The following TRHDE variants were observed in gnomAD, a reference collection of about 807,000 sequenced individuals.
TRHDE encodes thyrotropin-releasing hormone-degrading ectoenzyme.
TRHDE carries 72 observed loss-of-function variants against 125.7 expected under a neutral mutation model. The ratio of observed to expected loss-of-function variants is 0.57; its 90% CI spans 0.47 to 0.70. The LOEUF is 0.70. Ranked by LOEUF, TRHDE falls within the 30% of genes least tolerant of loss-of-function variation. The probability of loss-of-function intolerance (pLI) is 0.00; values close to 1 mark genes in which losing one functional copy is unlikely to be tolerated. For synonymous variants in TRHDE, 509 were observed against 509.1 expected (o/e 1.00, Z 0.00); for missense variants, 1,110 against 1,327.1 (o/e 0.84, Z 2.54).
chr12:72,226,538 C>T (rs1878131345), intron 2 of TRHDE, among the ~76,000 whole-genome samples: 1 of 152,148 alleles, frequency 6.6e-6, no homozygotes, highest in Non-Finnish European at 1.5e-5. Context: ...ATATAAATTA[C>T]TTCTGTTTAG....
chr12:72,389,959 G>T (rs766403563), intron 3 of TRHDE, among the ~76,000 whole-genome samples: 1 of 152,120 alleles, frequency 6.6e-6, no homozygotes, highest in Non-Finnish European at 1.5e-5. Context: ...TAAGAAGGGG[G>T]CAGATTCTGG....
At chr12:72,498,250 A>G (rs575288508) in intron 5 of TRHDE, among the ~76,000 whole-genome samples, 2 of 152,334 alleles carry the variant, frequency 1.3e-5, no homozygotes, top group South Asian at 4.1e-4. Context: ...TGAGTATGAA[A>G]AAAATCTTTC....
intron 2 of TRHDE, among the ~76,000 whole-genome samples, chr12:72,122,132 G>A (rs1458922487): frequency 1.3e-5 from 2 of 152,052 alleles, no homozygotes; most frequent in Non-Finnish European, 2.9e-5. Context: ...GTTCTCATAA[G>A]TTGCCCCTTG....
At chr12:72,365,935 G>T (rs1306901854) in intron 2 of TRHDE, among the ~76,000 whole-genome samples, 1 of 152,104 alleles carries the variant, frequency 6.6e-6, no homozygotes, top group African/African-American at 2.4e-5. Flanking sequence ...TGCCTCTCCA[G>T]CTTCTAATAC....
chr12:72,496,504 G>A (rs2135932414), intron 5 of TRHDE, among the ~76,000 whole-genome samples: 1 of 152,196 alleles, frequency 6.6e-6, no homozygotes, highest in Middle Eastern at 3.4e-3. Flanking sequence ...ACTATCAGGA[G>A]AACAGTTATG....
In TRHDE at chr12:72,509,579, C is replaced by T. The variant is rs147285128; in HGVS notation, c.1722+9944C>T. ...TGGTCCCAGCTTGCTCTCCTTGAAA[C>T]CTTTACTTAAATGTCACCTTCTCAA... is the stretch of plus-strand genomic sequence containing the variant. On this transcript the variant is annotated intron_variant, in intron 6 of 18. Transcript: ENST00000261180. 3.3e-5 allele frequency among the ~76,000 whole-genome samples: 5 copies of T among 152,218 alleles called. No homozygotes were observed. The East Asian group carries it at 5.8e-4, about 18-fold the overall frequency.
upstream of TRHDE, among the ~76,000 whole-genome samples, chr12:72,271,117 C>T (rs1230359341): frequency 1.3e-5 from 2 of 152,188 alleles, no homozygotes; most frequent in African/African-American, 4.8e-5. Context: ...GTGTGTTAAT[C>T]GTTTCTCCAA....
chr12:72,493,215 A>T (rs1426341988), intron 5 of TRHDE, among the ~76,000 whole-genome samples: 1 of 151,966 alleles, frequency 6.6e-6, no homozygotes, highest in Non-Finnish European at 1.5e-5. Flanking sequence ...AGATATTGTG[A>T]ACATTACAAT....
chr12:72,110,092 A>G (rs1394991322), intron 2 of TRHDE, among the ~76,000 whole-genome samples: 3 of 152,098 alleles, frequency 2.0e-5, no homozygotes, highest in East Asian at 3.8e-4. Flanking sequence ...CTTTAATAAG[A>G]GAAAATGGGA....
chr12:72,563,695 T>C (rs1870293630), intron 9 of TRHDE, among the ~76,000 whole-genome samples: 1 of 152,046 alleles, frequency 6.6e-6, no homozygotes, highest in Admixed American at 6.6e-5. Flanking sequence ...TTTTCTATTT[T>C]GTGTCTGATT....
chr12:72,469,975 C>G, intron 4 of TRHDE, 63 bp downstream of exon 4: 1 of 1,516,720 alleles, frequency 6.6e-7, no homozygotes, highest in Non-Finnish European at 9.0e-7. Flanking sequence ...TTTTGAATAC[C>G]TACATTAAGA....
intron 2 of TRHDE, among the ~76,000 whole-genome samples, chr12:72,208,024 G>GCC (rs954372929): frequency 6.6e-4 from 101 of 152,238 alleles, no homozygotes; most frequent in African/African-American, 2.1e-3. Context: ...CCATTCTGCT[G>GCC]CCCCCTCCAT....
chr12:72,642,815 T>C (rs1209035035), intron 15 of TRHDE, among the ~76,000 whole-genome samples: 1 of 152,348 alleles, frequency 6.6e-6, no homozygotes, highest in South Asian at 2.1e-4. Context: ...TCATTTGTAC[T>C]GTTCATAACT....
chr12:72,421,085 T>C (rs185686407), intron 3 of TRHDE, among the ~76,000 whole-genome samples: 204 of 152,236 alleles, frequency 1.3e-3, no homozygotes, highest in African/African-American at 4.5e-3. Context: ...ATCATTTCTA[T>C]ACCAAATATG....
At position 72,273,808 on chromosome 12, in the gene TRHDE, G is replaced by A; in HGVS notation, c.914+251G>A. 2.1e-6 allele frequency: 1 copy of A among 475,454 alleles called. No homozygotes were observed. Among genetic ancestry groups the A allele is most frequent in the Non-Finnish European group, 3.8e-6 (1 of 265,992 alleles). 29.5% of individuals were successfully genotyped at this position (475,454 alleles called of 1,614,324 possible). ...TGAATGCTGCCCCCTCCTCTAGTCG[G>A]GACCTCTCCTCTTCCTGTCAGAGTT... On this transcript the variant is annotated intron_variant, in intron 1 of 18. Transcript: ENST00000261180. This position sits in a 1 kb window ranked among gnomAD's most constrained non-coding sequence, Gnocchi z 5.3.
chr12:72,260,423 G>A (rs2139393777), intron 2 of TRHDE, among the ~76,000 whole-genome samples: 1 of 152,222 alleles, frequency 6.6e-6, no homozygotes, highest in African/African-American at 2.4e-5. Flanking sequence ...CTAGGCTAGA[G>A]CTAGGGAAAA....
At chr12:72,097,467 T>TTTTTTTTTTTG (rs1874958049) in intron 1 of TRHDE, among the ~76,000 whole-genome samples, 2 of 130,952 alleles carry the variant, frequency 1.5e-5, no homozygotes, top group African/African-American at 5.6e-5. Flanking sequence ...TTTTTTTTTT[T>TTTTTTTTTTTG]AGACAGAGTT....
chr12:72,478,922 C>CAAAAAAAA (rs67346703), intron 5 of TRHDE, among the ~76,000 whole-genome samples: 16 of 106,120 alleles, frequency 1.5e-4, no homozygotes, highest in East Asian at 8.6e-4. Flanking sequence ...TTTTTTTTAG[C>CAAAAAAAA]AAAAAAAAAA....
intron 15 of TRHDE, among the ~76,000 whole-genome samples, chr12:72,651,142 T>C (rs1019544039): frequency 6.6e-6 from 1 of 152,136 alleles, no homozygotes; most frequent in Non-Finnish European, 1.5e-5. Flanking sequence ...GTTAACAAAA[T>C]TAAAGTAACG....
Sources: allele counts gnomAD v4.1 joint callset (sites outside exome capture counted in the v4.1 genomes callset), GRCh38; gene constraint gnomAD v4.1.1; non-coding constraint Gnocchi (gnomAD v3.1); transcripts MANE v1.5; gene names NCBI Gene and HGNC (gene_info 2026-07-23, HGNC 2026-07-21).